FBXL17: variants seen among roughly 807,000 people sequenced by gnomAD.
FBXL17 encodes F-box/LRR-repeat protein 17.
FBXL17 carries 22 observed loss-of-function variants against 66.2 expected under a neutral mutation model. The observed-to-expected ratio is 0.33, with a 90% CI of 0.24 to 0.47. The LOEUF (loss-of-function observed/expected upper bound fraction) is 0.47, where lower values mean the gene tolerates loss of function less well. FBXL17 is among the 20% of genes least tolerant of loss of function. FBXL17 has a pLI of 1.00. For synonymous variants in FBXL17, 474 were observed against 400.5 expected (o/e 1.18, Z -2.19); for missense variants, 878 against 948.2 (o/e 0.93, Z 0.97).
intron 4 of FBXL17, among the ~76,000 whole-genome samples, chr5:108,267,651 T>A (rs550504128): frequency 2.0e-5 from 3 of 151,996 alleles, no homozygotes; most frequent in Non-Finnish European, 2.9e-5. Flanking sequence ...AAGTAAAGAA[T>A]ACCAAAGTAC....
At chr5:108,097,043 A>AT (rs1450614067) in intron 6 of FBXL17, among the ~76,000 whole-genome samples, 1 of 152,112 alleles carries the variant, frequency 6.6e-6, no homozygotes, top group Non-Finnish European at 1.5e-5. Context: ...TCAAATTGTA[A>AT]TCCCAAGGTG....
intron 6 of FBXL17, among the ~76,000 whole-genome samples, chr5:108,065,344 TATTTTACACATGTAGG>T (rs1748078988): frequency 6.6e-6 from 1 of 152,218 alleles, no homozygotes; most frequent in African/African-American, 2.4e-5. Flanking sequence ...CCTTAAATAT[TATTTTACACATGTAGG>T]AGTTTAAACA....
intron 6 of FBXL17, among the ~76,000 whole-genome samples, chr5:108,071,588 T>A (rs1748334164): frequency 6.7e-6 from 1 of 150,296 alleles, no homozygotes; most frequent in African/African-American, 2.4e-5. Context: ...CTGTTCCTCC[T>A]CGTCTTCTTT....
At chr5:108,101,339 C>T (rs189936469) in intron 6 of FBXL17, among the ~76,000 whole-genome samples, 4 of 152,332 alleles carry the variant, frequency 2.6e-5, no homozygotes, top group Admixed American at 6.5e-5. Context: ...GTTAGCTCAT[C>T]ATACTGACAC....
intron 4 of FBXL17, among the ~76,000 whole-genome samples, chr5:108,278,845 G>A (rs1163702003): frequency 1.3e-5 from 2 of 152,190 alleles, no homozygotes; most frequent in African/African-American, 4.8e-5. Context: ...GCCACTGGGG[G>A]TCCTGAGTGC....
chr5:108,004,579 T>C (rs1212463887), intron 7 of FBXL17, among the ~76,000 whole-genome samples: 1 of 152,114 alleles, frequency 6.6e-6, no homozygotes, highest in Non-Finnish European at 1.5e-5. Context: ...AAAAGTGCCA[T>C]AGTTAAGCAA....
chr5:108,126,655 A>C (rs199697116), intron 6 of FBXL17, among the ~76,000 whole-genome samples: 70,313 of 118,672 alleles, frequency 0.59, 20,174 homozygotes, highest in East Asian at 0.83. Context: ...CTCTCTCTAT[A>C]TATATATACA....
chr5:107,877,660 T>C (rs11748134), intron 8 of FBXL17, among the ~76,000 whole-genome samples: 55,631 of 151,882 alleles, frequency 0.37, 11,088 homozygotes, highest in African/African-American at 0.51. Context: ...CATCTCTCTC[T>C]AGTGCAGGGA....
chr5:108,317,341 T>C (rs758526659), intron 4 of FBXL17, among the ~76,000 whole-genome samples: 1 of 150,678 alleles, frequency 6.6e-6, no homozygotes, highest in Admixed American at 6.6e-5. Context: ...TTTGTTTTTT[T>C]TTTTAACTAG....
At chr5:108,192,405 T>C (rs1753503237) in intron 5 of FBXL17, among the ~76,000 whole-genome samples, 1 of 152,196 alleles carries the variant, frequency 6.6e-6, no homozygotes. Context: ...GGTAATCATC[T>C]TTCAGTTTAA....
chr5:108,002,990 C>T (rs966483939), intron 7 of FBXL17, among the ~76,000 whole-genome samples: 4 of 152,204 alleles, frequency 2.6e-5, no homozygotes, highest in Non-Finnish European at 4.4e-5. Context: ...GATTTCACAA[C>T]TCTGCATATT....
chr5:108,151,183 T>G (rs1200853965), intron 6 of FBXL17, among the ~76,000 whole-genome samples: 1 of 152,128 alleles, frequency 6.6e-6, no homozygotes, highest in African/African-American at 2.4e-5. Context: ...TACAGTATTT[T>G]CCAAAATACT....
chr5:107,862,269 A>G (rs1447819918), intron 8 of FBXL17, among the ~76,000 whole-genome samples: 2 of 151,852 alleles, frequency 1.3e-5, no homozygotes, highest in African/African-American at 4.8e-5. Context: ...CGGAGAGGAC[A>G]CACTAGATTC....
chr5:107,971,785 T>C (rs970060493), intron 7 of FBXL17, among the ~76,000 whole-genome samples: 2 of 152,196 alleles, frequency 1.3e-5, no homozygotes, highest in African/African-American at 4.8e-5. Flanking sequence ...ATTGGCATTT[T>C]AGAGCATACT....
chr5:108,180,314 C>T (rs1752951135), intron 6 of FBXL17, among the ~76,000 whole-genome samples: 1 of 151,940 alleles, frequency 6.6e-6, no homozygotes, highest in African/African-American at 2.4e-5. Context: ...AGTTCTAGAC[C>T]AGCCTGGCCA....
At chr5:108,224,284 A>T (rs1754998642) in intron 4 of FBXL17, 56 bp from the exon 5 acceptor site, 1 of 1,005,554 alleles carries the variant, frequency 9.9e-7, no homozygotes, top group African/African-American at 1.6e-5. Flanking sequence ...GAACTCAAGG[A>T]TTTGGCTCCT....
chr5:108,153,973 T>C (rs981931286), intron 6 of FBXL17, among the ~76,000 whole-genome samples: 10 of 152,102 alleles, frequency 6.6e-5, no homozygotes, highest in African/African-American at 9.7e-5. Flanking sequence ...TGTGGCTATA[T>C]AGGAACTGTC....
At chr5:107,958,200 T>C (rs929567861) in intron 7 of FBXL17, among the ~76,000 whole-genome samples, 2 of 152,020 alleles carry the variant, frequency 1.3e-5, no homozygotes, top group Non-Finnish European at 2.9e-5. Context: ...GGTTCTGTCT[T>C]TATTTATTTA....
chr5:107,974,001 A>G (rs1295087441), intron 7 of FBXL17, among the ~76,000 whole-genome samples: 3 of 152,190 alleles, frequency 2.0e-5, no homozygotes, highest in Non-Finnish European at 4.4e-5. Flanking sequence ...GTGTAAGTTA[A>G]TACTTCATCA....
Sources: gnomAD v4.1 joint callset for allele counts (sites outside exome capture counted in the v4.1 genomes callset) on GRCh38, gnomAD v4.1.1 for gene constraint, MANE v1.5 for transcripts, NCBI Gene and HGNC (gene_info 2026-07-23, HGNC 2026-07-21) for gene names.